MKLN1: variants seen among roughly 807,000 people sequenced by gnomAD.
MKLN1 encodes muskelin 1.
MKLN1 carries 18 observed loss-of-function variants against 99.0 expected under a neutral mutation model. The observed-to-expected ratio is 0.18, with a 90% CI of 0.13 to 0.27. MKLN1 has a LOEUF of 0.27. Ranked by LOEUF, MKLN1 falls within the 10% of genes least tolerant of loss-of-function variation. The pLI is 1.00. For missense variants in MKLN1, 621 were observed against 875.9 expected, an observed-to-expected ratio of 0.71 and a Z score of 3.67; for synonymous variants, 288 against 293.2, an observed-to-expected ratio of 0.98 and a Z score of 0.18.
chr7:131,114,205 A>G (rs1795240200), intron 1 of MKLN1, among the ~76,000 whole-genome samples: 1 of 152,206 alleles, frequency 6.6e-6, no homozygotes, highest in South Asian at 2.1e-4. Context: ...CCATTTTCAT[A>G]AGCCATAAAT....
At chr7:131,181,046 T>C (rs1478169763) in intron 2 of MKLN1, among the ~76,000 whole-genome samples, 2 of 152,170 alleles carry the variant, frequency 1.3e-5, no homozygotes, top group Non-Finnish European at 2.9e-5. Context: ...TGGGGGTAAA[T>C]TGACAAATAA....
chr7:131,265,521 C>T (rs533563877), intron 3 of MKLN1, among the ~76,000 whole-genome samples: 5 of 152,270 alleles, frequency 3.3e-5, no homozygotes, highest in Non-Finnish European at 7.4e-5. Context: ...CTACCAAATG[C>T]TATGTTCCAG....
At chr7:131,178,279 C>CTTTTTTTTTTTT (rs35412933) in intron 2 of MKLN1, among the ~76,000 whole-genome samples, 17 of 72,562 alleles carry the variant, frequency 2.3e-4, no homozygotes, top group Admixed American at 3.5e-4. Flanking sequence ...ACATGCCCGG[C>CTTTTTTTTTTTT]TTTTTTTTTT....
chr7:131,252,117 A>G (rs1797589875), intron 3 of MKLN1, among the ~76,000 whole-genome samples: 1 of 152,118 alleles, frequency 6.6e-6, no homozygotes, highest in African/African-American at 2.4e-5. Context: ...CACAAATTAT[A>G]TATAGGCCAA....
intron 1 of MKLN1, among the ~76,000 whole-genome samples, chr7:131,332,277 A>C (rs1799098855): frequency 6.7e-6 from 1 of 149,764 alleles, no homozygotes; most frequent in Non-Finnish European, 1.5e-5. Flanking sequence ...AAAAGAAAAA[A>C]AATATATAAA....
intron 3 of MKLN1, among the ~76,000 whole-genome samples, chr7:131,211,542 G>A (rs1796906094): frequency 6.6e-6 from 1 of 151,458 alleles, no homozygotes; most frequent in South Asian, 2.1e-4. Context: ...TGATGCTTGG[G>A]GTTTTTGCCC....
At chr7:131,336,122 A>T (rs1799243225) in intron 1 of MKLN1, among the ~76,000 whole-genome samples, 3 of 151,732 alleles carry the variant, frequency 2.0e-5, no homozygotes, top group African/African-American at 7.3e-5. Flanking sequence ...TGTATGCTTT[A>T]TGTATTTTGA....
chr7:131,475,551 C>T lies in MKLN1; in HGVS notation c.2032-3072C>T, dbSNP rs565465972. On this transcript the variant is annotated intron_variant, in intron 16 of 17. Coordinates refer to ENST00000352689, the MANE Select transcript of MKLN1 (RefSeq NM_013255.5). ...AACAGAAGCTGGGCGTGGTGGCTCA[C>T]GCTTGTAATCACAGCATTTTGGGAG... is the stretch of plus-strand genomic sequence containing the variant. Among the ~76,000 whole-genome samples the T allele has an allele frequency of 5.3e-5, 8 of 152,306 alleles. No homozygotes were observed. In the East Asian group the frequency reaches 1.2e-3, roughly 22 times the overall value.
intron 2 of MKLN1, among the ~76,000 whole-genome samples, chr7:131,382,779 A>G (rs1793890617): frequency 1.3e-5 from 2 of 152,062 alleles, no homozygotes; most frequent in Non-Finnish European, 2.9e-5. Flanking sequence ...GCTGGAGTGC[A>G]GTGGTGCGAT....
chr7:131,165,323 T>A (rs1486853345), intron 2 of MKLN1, among the ~76,000 whole-genome samples: 1 of 152,142 alleles, frequency 6.6e-6, no homozygotes, highest in African/African-American at 2.4e-5. Flanking sequence ...GTAGCTGGGA[T>A]TACAGGCACG....
At chr7:131,113,667 C>CAAA (rs71168363) in intron 1 of MKLN1, among the ~76,000 whole-genome samples, 30 of 96,458 alleles carry the variant, frequency 3.1e-4, no homozygotes, top group African/African-American at 9.0e-4. Flanking sequence ...TACAAAAATA[C>CAAA]AAAAAAAAAA....
rs147489180 is a variant in MKLN1 at position 131,195,691 on chromosome 7, G to A, written c.-296-7166G>A. Among the ~76,000 whole-genome samples the A allele has an allele frequency of 3.4e-3, 520 of 152,116 alleles. 2 individuals are homozygous for A. The highest frequency in any genetic ancestry group is 0.012 in the African/African-American group (483 of 41,496). ...GTTTCGGCTGGGCCCGGTGGCTCACGCCTGGAATCCCAGCACTCTGGGAGC... is the reference window on the plus strand; with the variant it reads ...GTTTCGGCTGGGCCCGGTGGCTCACACCTGGAATCCCAGCACTCTGGGAGC... On this transcript the variant is annotated intron_variant, in intron 2 of 7. Transcript: ENST00000416992.
chr7:131,481,415 C>A (rs1187208334), intron 17 of MKLN1, among the ~76,000 whole-genome samples: 3 of 152,134 alleles, frequency 2.0e-5, no homozygotes, highest in Non-Finnish European at 4.4e-5. Context: ...AAAATTTAAT[C>A]TTCTAGCCAG....
intron 3 of MKLN1, among the ~76,000 whole-genome samples, chr7:131,219,946 G>C (rs1434734834): frequency 1.3e-5 from 2 of 152,056 alleles, no homozygotes; most frequent in Admixed American, 6.6e-5. Flanking sequence ...CTATGGTGGG[G>C]CTCAGAAACC....
chr7:131,134,284 T>G (rs1215090702), intron 1 of MKLN1, among the ~76,000 whole-genome samples: 1 of 152,200 alleles, frequency 6.6e-6, no homozygotes, highest in African/African-American at 2.4e-5. Flanking sequence ...TGTCCCACTC[T>G]CATGCCCCAT....
chr7:131,472,689 G>A (rs1042166904), intron 16 of MKLN1, among the ~76,000 whole-genome samples: 3 of 152,108 alleles, frequency 2.0e-5, no homozygotes, highest in East Asian at 1.9e-4. Flanking sequence ...GGTGGCTCAC[G>A]CCTGTAATCC....
In MKLN1 at chr7:131,280,915, A is replaced by C. The variant is rs377397429; in HGVS notation, c.-179+77941A>C. ...ATTTGTCTTTTTATTCTTGAGTAGT[A>C]GTAGGGTTTTAAAAATATTCTGGAT... is the stretch of plus-strand genomic sequence containing the variant. On this transcript the variant is annotated intron_variant, in intron 3 of 7. Coordinates refer to the MKLN1 transcript ENST00000416992. 5.3e-5 allele frequency among the ~76,000 whole-genome samples: 8 copies of C among 152,266 alleles called. No individual in the cohort carries two copies. In the East Asian group the frequency reaches 9.6e-4, roughly 18 times the overall value.
intron 2 of MKLN1, among the ~76,000 whole-genome samples, chr7:131,153,113 T>A (rs2028360): frequency 0.5 from 74,795 of 149,710 alleles, 19,744 homozygotes; most frequent in East Asian, 0.96. Flanking sequence ...TCTCTTCTTT[T>A]GTGATGTTAC....
chr7:131,478,988 C>T (rs1410843103), intron 17 of MKLN1: 1 of 363,578 alleles, frequency 2.8e-6, no homozygotes, highest in South Asian at 3.3e-5. Context: ...TTTACTGATA[C>T]ACACTATGAG....
Sources: gnomAD v4.1 joint callset for allele counts (sites outside exome capture counted in the v4.1 genomes callset) on GRCh38, gnomAD v4.1.1 for gene constraint, MANE v1.5 for transcripts, NCBI Gene and HGNC (gene_info 2026-07-23, HGNC 2026-07-21) for gene names.